Variants in A2M observed in about 807,000 individuals in gnomAD.
The protein encoded by A2M is alpha-2-macroglobulin, also known as C3 and PZP-like alpha-2-macroglobulin domain-containing protein 5.
Under a neutral mutation model 183.9 loss-of-function variants are expected in A2M, and 128 were observed. That is an observed-to-expected ratio of 0.70 (90% CI 0.60 to 0.81). The LOEUF (loss-of-function observed/expected upper bound fraction) is 0.81, where lower values mean the gene tolerates loss of function less well. Ranked by LOEUF, A2M falls within the 30% of genes least tolerant of loss-of-function variation. The probability of loss-of-function intolerance (pLI) is 0.00; values close to 1 mark genes in which losing one functional copy is unlikely to be tolerated. For missense variants in A2M, 1,495 were observed against 1,787.6 expected, an observed-to-expected ratio of 0.84 and a Z score of 2.95; for synonymous variants, 592 against 670.8, an observed-to-expected ratio of 0.88 and a Z score of 1.81.
At position 9,103,862 on chromosome 12, in the gene A2M, G is replaced by A. The variant is rs761448725; in HGVS notation, c.1266+377C>T. Among the ~76,000 whole-genome samples the A allele has an allele frequency of 3.9e-5, 6 of 152,204 alleles. No homozygotes were observed. In the East Asian group the frequency reaches 7.7e-4, roughly 20 times the overall value. ...ATCTCTCAGCTATTGTGAATAGTGCGGCTATGAACACGGGTGTGCAAATAG... is the reference window on the plus strand; with the variant it reads ...ATCTCTCAGCTATTGTGAATAGTGCAGCTATGAACACGGGTGTGCAAATAG... On this transcript the variant is annotated intron_variant, in intron 11 of 35. Transcript: ENST00000318602.
At chr12:9,108,061 C>G (rs768699994) in intron 7 of A2M, among the ~76,000 whole-genome samples, 1 of 152,274 alleles carries the variant, frequency 6.6e-6, no homozygotes, top group Admixed American at 6.5e-5. Flanking sequence ...CCATCATCCT[C>G]TCCCCATGTG....
rs189769977 is a variant in A2M at position 9,107,575 on chromosome 12, G to A, written c.828C>T (p.Ser276=). ...VSICRKYSDA[S]DCHGEDSQAF... ...CCTGTGAATCTTCACCGTGGCAGTC[G>A]GAAGCGTCACTATACTTTCTGCAAA... The change falls in exon 8 of 36, where the codon TCC becomes TCT. Residue 276 remains serine (S), a synonymous_variant. Coordinates refer to ENST00000318602, the MANE Select transcript of A2M (RefSeq NM_000014.6). The A allele has an allele frequency of 1.1e-4, 182 of 1,613,898 alleles. No individual in the cohort carries two copies. Among genetic ancestry groups the A allele is most frequent in the East Asian group, 6.5e-4 (29 of 44,884 alleles).
chr12:9,090,146 C>G, intron 20 of A2M, 123 bp from the exon 21 acceptor site: 4 of 1,426,244 alleles, frequency 2.8e-6, no homozygotes, highest in Non-Finnish European at 3.8e-6. Flanking sequence ...GAAGCAGGAA[C>G]GGAAACATGC....
In A2M at chr12:9,106,568, G is replaced by T. The variant is rs1414320696; in HGVS notation, c.917C>A (p.Thr306Asn). ...SHGCFYQQVK[T>N]KVFQLKRKEY... ...CTTCCTCTTCAGCTGGAAGACCTTG[G>T]TTTTTACTTGCTGATAGAAGCAGCC... is the stretch of plus-strand genomic sequence containing the variant. Residue 306 changes from threonine (T) to asparagine (N), a missense_variant, in exon 9 of 36, where the codon ACC becomes AAC. By Grantham distance (65) the Thr-to-Asn change is moderately conservative. Transcript: ENST00000318602. 36 of 1,590,592 alleles carry T rather than the reference G, an allele frequency of 2.3e-5. No individual in the cohort carries two copies. Among genetic ancestry groups the T allele is most frequent in the Non-Finnish European group, 2.7e-5 (32 of 1,166,658 alleles).
intron 20 of A2M, 26 bp downstream of exon 20, chr12:9,090,330 A>G (rs1197433254): frequency 6.2e-7 from 1 of 1,613,842 alleles, no homozygotes; most frequent in Non-Finnish European, 8.5e-7. Context: ...TGAGTAGAGA[A>G]TTATCTCTAG....
chr12:9,069,904 C>G (rs1277284818), intron 32 of A2M, 91 bp from the exon 33 acceptor site: 1 of 1,073,118 alleles, frequency 9.3e-7, no homozygotes, highest in African/African-American at 1.6e-5. Flanking sequence ...CAAAATAACC[C>G]TGAGGGTAGA....
chr12:9,093,713 G>C, intron 17 of A2M, 134 bp from the exon 18 acceptor site: 1 of 514,650 alleles, frequency 1.9e-6, no homozygotes, highest in Non-Finnish European at 3.3e-6. Flanking sequence ...AGGAGAGGGC[G>C]CTTGGGTCAT....
chr12:9,116,158 A>G, upstream of A2M: 1 of 362,330 alleles, frequency 2.8e-6, no homozygotes, highest in Non-Finnish European at 5.4e-6. Flanking sequence ...TAAGCTTTTC[A>G]ACCTCTTCTC....
chr12:9,115,372 G>A (rs754334354), intron 1 of A2M: 118 of 170,066 alleles, frequency 6.9e-4, no homozygotes, highest in Non-Finnish European at 1.3e-3. Context: ...TATACTCCAG[G>A]GCATTGTTCC....
At chr12:9,094,341 A>G (rs1270115897) in intron 17 of A2M, among the ~76,000 whole-genome samples, 1 of 14,324 alleles carries the variant, frequency 7.0e-5, no homozygotes, top group Non-Finnish European at 1.6e-4. Flanking sequence ...AAAATTGTGC[A>G]TATATATATA....
chr12:9,112,057 G>A, intron 4 of A2M, 102 bp downstream of exon 4: 1 of 1,070,168 alleles, frequency 9.3e-7, no homozygotes, highest in African/African-American at 1.5e-5. Context: ...TACTGTTAAT[G>A]ATACCAGATT....
intron 18 of A2M, 71 bp from the exon 19 acceptor site, chr12:9,091,500 A>T: frequency 6.6e-7 from 1 of 1,505,496 alleles, no homozygotes. Context: ...GAGAATCCCT[A>T]GGAATGATTC....
intron 12 of A2M, 98 bp from the exon 13 acceptor site, chr12:9,101,305 A>C: frequency 7.3e-7 from 1 of 1,378,348 alleles, no homozygotes; most frequent in Non-Finnish European, 1.0e-6. Context: ...TGCCGGCAAT[A>C]ATTCACCTCA....
chr12:9,077,459 T>C (rs777521862), intron 26 of A2M, 39 bp from the exon 27 acceptor site: 1 of 1,576,128 alleles, frequency 6.3e-7, no homozygotes, highest in Non-Finnish European at 8.7e-7. Flanking sequence ...ATTCAACTTC[T>C]GAGAATGCTA....
At chr12:9,079,550 G>A in intron 24 of A2M, 89 bp downstream of exon 24, 2 of 1,273,026 alleles carry the variant, frequency 1.6e-6, no homozygotes, top group South Asian at 2.8e-5. Context: ...CTAAGCTAAT[G>A]TATCATAATA....
intron 15 of A2M, among the ~76,000 whole-genome samples, chr12:9,097,223 G>A (rs1285186575): frequency 6.6e-6 from 1 of 152,070 alleles, no homozygotes; most frequent in Non-Finnish European, 1.5e-5. Context: ...GCTTCCTTTA[G>A]AAGTATTCTA....
intron 29 of A2M, among the ~76,000 whole-genome samples, chr12:9,073,529 T>C (rs891598033): frequency 1.3e-5 from 2 of 152,214 alleles, no homozygotes; most frequent in Admixed American, 6.5e-5. Context: ...AATAAATGAA[T>C]GATAACCTTT....
chr12:9,115,534 A>G (rs1333630019), intron 1 of A2M: 1 of 426,816 alleles, frequency 2.3e-6, no homozygotes, highest in African/African-American at 2.0e-5. Context: ...AAAGCTAAAA[A>G]TTTCTGACAC....
At chr12:9,081,719 G>C (rs1397681584) in intron 22 of A2M, among the ~76,000 whole-genome samples, 7 of 152,178 alleles carry the variant, frequency 4.6e-5, no homozygotes, top group Admixed American at 3.3e-4. Flanking sequence ...GCGGGGAAGA[G>C]AACCAGGGGT....
Sources: allele counts gnomAD v4.1 joint callset (sites outside exome capture counted in the v4.1 genomes callset), GRCh38; gene constraint gnomAD v4.1.1; transcripts MANE v1.5; gene names NCBI Gene and HGNC (gene_info 2026-07-23, HGNC 2026-07-21).